The following TINAG variants were observed in gnomAD, a reference collection of about 807,000 sequenced individuals.
TINAG encodes the protein tubulointerstitial nephritis antigen.
A neutral mutation model predicts 72.7 loss-of-function variants in TINAG; 83 were observed. The observed-to-expected ratio is 1.14, with a 90% CI of 0.96 to 1.37. The LOEUF (loss-of-function observed/expected upper bound fraction) is 1.37. TINAG is among the 40% of genes most tolerant of loss of function. TINAG has a pLI of 0.00. For synonymous variants in TINAG, 234 were observed against 189.9 expected (o/e 1.23, Z -1.91); for missense variants, 685 against 576.6 (o/e 1.19, Z -1.93).
rs533894568 is a variant in TINAG, at chr6:54,385,403, G to T, written c.1297-4388G>T. Among the ~76,000 whole-genome samples the T allele has an allele frequency of 4.6e-5, 7 of 151,468 alleles. No individual in the cohort carries two copies. The East Asian group carries it at 1.4e-3, about 29-fold the overall frequency. The stretch of plus-strand genomic sequence containing the variant: ...TATAATTGAAAATATAGATGAAATG[G>T]ATAAATTTATCAGAAAACAAAACTT... On this transcript the variant is annotated intron_variant, in intron 10 of 10. Coordinates refer to ENST00000259782, the MANE Select transcript of TINAG (RefSeq NM_014464.4).
At chr6:54,366,696 A>G (rs996526040) in intron 9 of TINAG, among the ~76,000 whole-genome samples, 1 of 151,588 alleles carries the variant, frequency 6.6e-6, no homozygotes, top group Non-Finnish European at 1.5e-5. Context: ...AGTAGCGAAG[A>G]TGTGCATTAT....
chr6:54,313,582 T>C, intron 1 of TINAG, among the ~76,000 whole-genome samples: 1 of 152,200 alleles, frequency 6.6e-6, no homozygotes, highest in East Asian at 1.9e-4. Flanking sequence ...AATAGAATAT[T>C]ACTTTATTTT....
chr6:54,335,797 A>G (rs941474090), intron 4 of TINAG, among the ~76,000 whole-genome samples: 38 of 152,244 alleles, frequency 2.5e-4, no homozygotes, highest in African/African-American at 8.9e-4. Flanking sequence ...CGCCCTGCAA[A>G]CACACTTTTC....
At chr6:54,312,607 C>A (rs12202919) in intron 1 of TINAG, among the ~76,000 whole-genome samples, 63,464 of 151,748 alleles carry the variant, frequency 0.42, 15,409 homozygotes, top group Middle Eastern at 0.58. Flanking sequence ...GTAAAACAGT[C>A]TGAAGAGAAT....
chr6:54,334,440 C>T (rs898991673), intron 4 of TINAG, among the ~76,000 whole-genome samples: 2 of 152,116 alleles, frequency 1.3e-5, no homozygotes, highest in African/African-American at 4.8e-5. Context: ...AGTAGCAGGG[C>T]CTTCTAAATT....
intron 9 of TINAG, among the ~76,000 whole-genome samples, chr6:54,380,318 T>C (rs1428687732): frequency 1.3e-5 from 2 of 152,114 alleles, no homozygotes; most frequent in Non-Finnish European, 2.9e-5. Context: ...TATAAATGAG[T>C]CTGTTCTGTG....
intron 1 of TINAG, among the ~76,000 whole-genome samples, chr6:54,315,638 A>G (rs1163339303): frequency 2.0e-5 from 3 of 151,910 alleles, no homozygotes; most frequent in Non-Finnish European, 4.4e-5. Context: ...CATTCCACCA[A>G]TGCACTCTAG....
intron 9 of TINAG, among the ~76,000 whole-genome samples, chr6:54,374,364 A>C (rs888346844): frequency 6.6e-6 from 1 of 152,060 alleles, no homozygotes; most frequent in Admixed American, 6.6e-5. Flanking sequence ...GATATATTGA[A>C]CCCTAGCTTG....
intron 9 of TINAG, among the ~76,000 whole-genome samples, chr6:54,372,970 A>C (rs1481820699): frequency 6.6e-6 from 1 of 152,006 alleles, no homozygotes; most frequent in Non-Finnish European, 1.5e-5. Flanking sequence ...CTACAGAAAA[A>C]ACAAATTTTG....
At chr6:54,360,099 G>C (rs1763178126) in intron 9 of TINAG, among the ~76,000 whole-genome samples, 1 of 151,722 alleles carries the variant, frequency 6.6e-6, no homozygotes, top group African/African-American at 2.4e-5. Context: ...AGTTTAGCGG[G>C]TGAGGCAGAT....
At chr6:54,309,732 G>A (rs1784195301) in intron 1 of TINAG, among the ~76,000 whole-genome samples, 1 of 151,924 alleles carries the variant, frequency 6.6e-6, no homozygotes, top group Non-Finnish European at 1.5e-5. Context: ...TACCATAAAT[G>A]GGTGATGGTG....
At chr6:54,367,134 G>A (rs1271212814) in intron 9 of TINAG, 1 of 151,654 alleles carries the variant, frequency 6.6e-6, no homozygotes, top group Non-Finnish European at 1.5e-5. Flanking sequence ...TCTAAGACGT[G>A]TTCATGTGAC....
At chr6:54,345,469 T>G (rs1036859069) in intron 5 of TINAG, among the ~76,000 whole-genome samples, 1 of 152,076 alleles carries the variant, frequency 6.6e-6, no homozygotes, top group African/African-American at 2.4e-5. Context: ...ATGAGAAATA[T>G]CAGAAATAAT....
intron 5 of TINAG, among the ~76,000 whole-genome samples, chr6:54,346,530 A>T (rs1424511226): frequency 6.6e-6 from 1 of 151,322 alleles, no homozygotes; most frequent in African/African-American, 2.4e-5. Context: ...ATTAGATTGT[A>T]TATATATAAT....
At chr6:54,378,210 A>C (rs1052920441) in intron 9 of TINAG, among the ~76,000 whole-genome samples, 1 of 152,168 alleles carries the variant, frequency 6.6e-6, no homozygotes, top group East Asian at 1.9e-4. Context: ...TGAATTTTGC[A>C]TAAAGGTTAA....
In TINAG at chr6:54,311,516, A is replaced by G. The variant is rs114005064; in HGVS notation, c.355+2611A>G. ...TGTTCCCCTAGTACTATACGGGGAC[A>G]CGTCTCTAACAATTAGTATTATCCA... is the stretch of plus-strand genomic sequence containing the variant. On this transcript the variant is annotated intron_variant, in intron 1 of 10. Coordinates refer to ENST00000259782, the MANE Select transcript of TINAG (RefSeq NM_014464.4). Among the ~76,000 whole-genome samples, 1,314 of 152,304 alleles carry G rather than the reference A, an allele frequency of 8.6e-3. 20 individuals are homozygous for G. The highest frequency in any genetic ancestry group is 0.03 in the African/African-American group (1,259 of 41,564).
chr6:54,376,827 T>C lies in TINAG; in HGVS notation c.1251-3699T>C, dbSNP rs112255807. Reference sequence around the variant, plus strand: ...AAAAAAGTAGTGTTTCTGGAACTCATGAAAAGTGGGCATATAAAATAAATC... The same window carrying C: ...AAAAAAGTAGTGTTTCTGGAACTCACGAAAAGTGGGCATATAAAATAAATC... On this transcript the variant is annotated intron_variant, in intron 9 of 10. Coordinates refer to ENST00000259782, the MANE Select transcript of TINAG (RefSeq NM_014464.4). 1.1e-4 allele frequency among the ~76,000 whole-genome samples: 17 copies of C among 152,196 alleles called. 1 individual carries two copies. Among genetic ancestry groups the C allele is most frequent in the African/African-American group, 3.4e-4 (14 of 41,538 alleles).
At chr6:54,309,782 G>A (rs1784196306) in intron 1 of TINAG, among the ~76,000 whole-genome samples, 1 of 151,588 alleles carries the variant, frequency 6.6e-6, no homozygotes, top group South Asian at 2.1e-4. Context: ...GGGTAAACTA[G>A]GGGCTTGGAA....
At chr6:54,316,086 T>C (rs116757328) in intron 1 of TINAG, among the ~76,000 whole-genome samples, 4 of 152,284 alleles carry the variant, frequency 2.6e-5, no homozygotes, top group African/African-American at 9.6e-5. Flanking sequence ...CACATCTACG[T>C]TGCATGAAAG....
Sources: allele counts gnomAD v4.1 joint callset (sites outside exome capture counted in the v4.1 genomes callset), GRCh38; gene constraint gnomAD v4.1.1; transcripts MANE v1.5; gene names NCBI Gene and HGNC (gene_info 2026-07-23, HGNC 2026-07-21).